The following ZNF70 variants were observed in gnomAD, a reference collection of about 807,000 sequenced individuals.
The protein encoded by ZNF70 is zinc finger protein N27C7-1.
ZNF70 carries 18 observed loss-of-function variants against 37.7 expected under a neutral mutation model. The ratio of observed to expected loss-of-function variants is 0.48; its 90% CI spans 0.33 to 0.71. The LOEUF is 0.71. Among genes scored for constraint, ZNF70 ranks in the 30% least tolerant of loss-of-function variants. The pLI is 0.02. For missense variants in ZNF70, 506 were observed against 568.6 expected (o/e 0.89, Z 1.12); for synonymous variants, 219 against 220.1 (o/e 0.99, Z 0.05).
At chr22:23,747,931 C>G (rs1190722943) in intron 1 of ZNF70, among the ~76,000 whole-genome samples, 1 of 152,182 alleles carries the variant, frequency 6.6e-6, no homozygotes, top group Non-Finnish European at 1.5e-5. Flanking sequence ...GAAGCTAGAA[C>G]AGCCCACTCA....
chr22:23,745,783 C>T (rs1239167024), intron 1 of ZNF70, among the ~76,000 whole-genome samples: 2 of 151,996 alleles, frequency 1.3e-5, no homozygotes, highest in Non-Finnish European at 2.9e-5. Context: ...ACAACAACAA[C>T]AACAACAGCA....
At chr22:23,745,758 G>A (rs901740369) in intron 1 of ZNF70, among the ~76,000 whole-genome samples, 2 of 152,046 alleles carry the variant, frequency 1.3e-5, no homozygotes, top group Non-Finnish European at 2.9e-5. Context: ...GCAACAAAGC[G>A]AGACTCTATC....
chr22:23,747,837 A>G (rs1272953261), intron 1 of ZNF70, among the ~76,000 whole-genome samples: 8 of 152,096 alleles, frequency 5.3e-5, no homozygotes, highest in Non-Finnish European at 1.2e-4. Flanking sequence ...AAATAAATAA[A>G]TAAATAAAAA....
rs147086369 is a variant in ZNF70 at position 23,744,722 on chromosome 22, T to C, written c.419A>G (p.Tyr140Cys). The C allele has an allele frequency of 2.5e-5, 40 of 1,614,102 alleles. No individual in the cohort carries two copies. Among genetic ancestry groups the C allele is most frequent in the Non-Finnish European group, 3.1e-5 (36 of 1,180,046 alleles). The change falls in exon 2 of 2, where the codon TAT becomes TGT. Residue 140 changes from tyrosine (Y) to cysteine (C), a missense_variant. Physicochemically the swap from Tyr to Cys is radical, Grantham distance 194. Coordinates refer to ENST00000341976, the MANE Select transcript of ZNF70 (RefSeq NM_021916.4). The stretch of plus-strand genomic sequence containing the variant: ...GGCCTTCCCACACTCTCGACACGCA[T>C]AGGGCTTGGCTGGTTGTGGGGTTCT... ...PHRTPQPAKPYACRECGKAFS... is the reference protein window; with the variant it reads ...PHRTPQPAKPCACRECGKAFS...
rs768697096 is a variant in ZNF70 at position 23,744,414 on chromosome 22, C to T, written c.727G>A (p.Glu243Lys). The change falls in exon 2 of 2, where the codon GAG (glutamate) becomes AAG (lysine). Residue 243 changes from glutamate (E) to lysine (K), a missense_variant. By Grantham distance (56) the Glu-to-Lys change is moderately conservative. Coordinates refer to ENST00000341976, the MANE Select transcript of ZNF70 (RefSeq NM_021916.4). ...FSRSSSLRKH[E>K]RIHTGERPYQ... ...GGTCTCTCTCCTGTATGAATTCTCT[C>T]GTGTTTTCTGAGGCTGGAGCTCCGG... 1.7e-5 allele frequency: 27 copies of T among 1,613,830 alleles called. No individual in the cohort carries two copies. Among genetic ancestry groups the T allele is most frequent in the Non-Finnish European group, 7.6e-6 (9 of 1,180,016 alleles).
intron 1 of ZNF70, among the ~76,000 whole-genome samples, chr22:23,750,394 C>T (rs768346974): frequency 1.6e-4 from 24 of 152,170 alleles, no homozygotes; most frequent in Admixed American, 3.9e-4. Flanking sequence ...CCTTCACCCG[C>T]CCACATTGCC....
In ZNF70 at chr22:23,744,899, G is replaced by T. The variant is rs770635536; in HGVS notation, c.242C>A (p.Pro81Gln). ...CTCATCATCCTGGGGTCTGGTTCCT[G>T]GGGGGATACTTTGATGCTGAACAGG... Reference protein sequence around the residue: ...SSPVQHQSIPPGTRPQDDELF... With the variant: ...SSPVQHQSIPQGTRPQDDELF... Residue 81 changes from proline (P) to glutamine (Q), a missense_variant, in exon 2 of 2, where the codon CCA (proline) becomes CAA (glutamine). Physicochemically the swap from Pro to Gln is moderately conservative, Grantham distance 76. Coordinates refer to ENST00000341976, the MANE Select transcript of ZNF70 (RefSeq NM_021916.4). 5 of 1,614,176 alleles carry T rather than the reference G, an allele frequency of 3.1e-6. No homozygotes were observed. Among genetic ancestry groups the T allele is most frequent in the Non-Finnish European group, 3.4e-6 (4 of 1,180,038 alleles).
chr22:23,747,157 T>A (rs113433329), intron 1 of ZNF70, among the ~76,000 whole-genome samples: 2,336 of 152,250 alleles, frequency 0.015, 27 homozygotes, highest in Non-Finnish European at 0.023. Context: ...TTTAGTCAAA[T>A]AAGTCAACTG....
rs1361317292 is a variant in ZNF70 at position 23,740,168 on chromosome 22, G to C, written c.*3632C>G. The C allele has an allele frequency of 6.6e-6, 1 of 151,540 alleles. No individual in the cohort carries two copies. Among genetic ancestry groups the C allele is most frequent in the Non-Finnish European group, 1.5e-5 (1 of 67,930 alleles). The allele number at this position is 151,540 out of a possible 1,614,324, so 9.4% of individuals were successfully genotyped here. ...TATTAAAAATACAAAAAATTAGCCG[G>C]GCGTGGTGGCGGGTGCCTGTAGTCC... On this transcript the variant is annotated 3_prime_UTR_variant, in exon 2 of 2. Coordinates refer to ENST00000341976, the MANE Select transcript of ZNF70 (RefSeq NM_021916.4).
rs1925070313 is a variant in ZNF70 at position 23,745,043 on chromosome 22, T to C, written c.98A>G (p.Asp33Gly). Residue 33 changes from aspartate to glycine, a missense_variant, in exon 2 of 2, where the codon GAC becomes GGC. By Grantham distance (94) the Asp-to-Gly change is moderately conservative. Coordinates refer to ENST00000341976, the MANE Select transcript of ZNF70 (RefSeq NM_021916.4). The part of the protein sequence containing the change: ...QGLFPGEDLG[D>G]PFLQERGLEQ... ...CAAACCTCTTTCCTGAAGAAAAGGG[T>C]CCCCCAGGTCCTCCCCTGGGAAAAG... 1 of 1,614,018 alleles carries C rather than the reference T, an allele frequency of 6.2e-7. No individual in the cohort carries two copies. Among genetic ancestry groups the C allele is most frequent in the Middle Eastern group, 1.6e-4 (1 of 6,062 alleles).
chr22:23,744,145 G>C lies in ZNF70; in HGVS notation c.996C>G (p.Gly332=), dbSNP rs752943786. ...ACTTCTGGCATTTGTAGGGCTTCTC[G>C]CCAGTGTGGGTCTTGCGGTGCTCAA... ...NLIEHRKTHT[G]EKPYKCQKCG... is the part of the protein sequence containing the mutation. Residue 332 remains glycine, a synonymous_variant, in exon 2 of 2, where the codon GGC becomes GGG. Transcript: ENST00000341976. 11 of 1,612,956 alleles carry C rather than the reference G, an allele frequency of 6.8e-6. No homozygotes were observed. The highest frequency in any genetic ancestry group is 1.7e-5 in the Admixed American group (1 of 59,826).
chr22:23,749,807 T>C (rs74757750), intron 1 of ZNF70, among the ~76,000 whole-genome samples: 2,002 of 152,070 alleles, frequency 0.013, 20 homozygotes, highest in Middle Eastern at 0.031. Context: ...CAACCCATAA[T>C]CTCCAACTCT....
intron 1 of ZNF70, among the ~76,000 whole-genome samples, chr22:23,749,348 C>CAAAAAAA (rs757866335): frequency 4.2e-4 from 6 of 14,356 alleles, no homozygotes; most frequent in East Asian, 1.8e-3. Context: ...GACTCCATCT[C>CAAAAAAA]AAAAAAAAAA....
At position 23,743,640 on chromosome 22, in the gene ZNF70, G is replaced by T; in HGVS notation, c.*160C>A. 9.4e-7 allele frequency: 1 copy of T among 1,065,986 alleles called. No individual in the cohort carries two copies. The allele number at this position is 1,065,986 out of a possible 1,614,324, so 66.0% of individuals were successfully genotyped here. On this transcript the variant is annotated 3_prime_UTR_variant, in exon 2 of 2. Coordinates refer to ENST00000341976, the MANE Select transcript of ZNF70 (RefSeq NM_021916.4). Reference sequence around the variant, plus strand: ...CTGAGAGCTGGCGTGCTTGGCCCAGGGCCACACAGGGCCTTCCTGCTAGTG... The same window carrying T: ...CTGAGAGCTGGCGTGCTTGGCCCAGTGCCACACAGGGCCTTCCTGCTAGTG...
intron 1 of ZNF70, among the ~76,000 whole-genome samples, chr22:23,748,418 T>C (rs1192589792): frequency 6.6e-6 from 1 of 152,140 alleles, no homozygotes; most frequent in African/African-American, 2.4e-5. Context: ...TTTTTAATTT[T>C]TCTGTAGAGA....
intron 1 of ZNF70, among the ~76,000 whole-genome samples, chr22:23,747,900 G>A (rs1226579154): frequency 6.6e-6 from 1 of 152,072 alleles, no homozygotes; most frequent in African/African-American, 2.4e-5. Flanking sequence ...GAAGGAGGGC[G>A]CGTTAGCAGG....
Position 23,742,487 on chromosome 22 carries a change from G to C in ZNF70, c.*1313C>G, listed in dbSNP as rs1427143764. 2 of 152,306 alleles carry C rather than the reference G, an allele frequency of 1.3e-5. No homozygotes were observed. The allele number at this position is 152,306 out of a possible 1,614,324, so 9.4% of individuals were successfully genotyped here. On this transcript the variant is annotated 3_prime_UTR_variant, in exon 2 of 2. Transcript: ENST00000341976. ...ACAGGAGGCTCAGGATGGCATCCTA[G>C]AGGAAGTGTCCTTGTGTGGGACACT...
chr22:23,744,162 G>T lies in ZNF70; in HGVS notation c.979C>A (p.Arg327Ser). 3.1e-6 allele frequency: 5 copies of T among 1,614,080 alleles called. No individual in the cohort carries two copies. The highest frequency in any genetic ancestry group is 4.2e-6 in the Non-Finnish European group (5 of 1,180,014). ...GGCTTCTCGCCAGTGTGGGTCTTGCGGTGCTCAATGAGGTTGGAGCTCTGG... is the reference window on the plus strand; with the variant it reads ...GGCTTCTCGCCAGTGTGGGTCTTGCTGTGCTCAATGAGGTTGGAGCTCTGG... ...FSQSSNLIEH[R>S]KTHTGEKPYK... Residue 327 changes from arginine to serine, a missense_variant, in exon 2 of 2, where the codon CGC becomes AGC. Arg to Ser is a moderately radical substitution (Grantham distance 110). Coordinates refer to ENST00000341976, the MANE Select transcript of ZNF70 (RefSeq NM_021916.4).
intron 1 of ZNF70, among the ~76,000 whole-genome samples, chr22:23,749,348 C>CAAAAAAAAA (rs757866335): frequency 7.0e-5 from 1 of 14,352 alleles, no homozygotes; most frequent in Non-Finnish European, 1.3e-4. Context: ...GACTCCATCT[C>CAAAAAAAAA]AAAAAAAAAA....
Sources: allele counts gnomAD v4.1 joint callset (sites outside exome capture counted in the v4.1 genomes callset), GRCh38; gene constraint gnomAD v4.1.1; transcripts MANE v1.5; gene names NCBI Gene and HGNC (gene_info 2026-07-23, HGNC 2026-07-21).